The following GNL3L variants were observed in gnomAD, a reference collection of about 807,000 sequenced individuals.
GNL3L encodes the protein guanine nucleotide-binding protein-like 3-like protein.
GNL3L carries 4 observed loss-of-function variants against 42.9 expected under a neutral mutation model. The observed-to-expected ratio is 0.09, with a 90% CI of 0.05 to 0.21. The LOEUF (loss-of-function observed/expected upper bound fraction) is 0.21. Among genes scored for constraint, GNL3L ranks in the 10% least tolerant of loss-of-function variants. The pLI is 1.00. For synonymous variants in GNL3L, 159 were observed against 176.3 expected (o/e 0.90, Z 0.78); for missense variants, 412 against 481.7 (o/e 0.86, Z 1.36).
intron 16 of GNL3L, among the ~76,000 whole-genome samples, chrX:54,584,190 C>G (rs1925752605): frequency 9.4e-6 from 1 of 106,042 alleles, no homozygotes; most frequent in Non-Finnish European, 1.9e-5. Flanking sequence ...CAAGTGAGCA[C>G]ATCTGGGTAA....
chrX:54,580,226 C>T (rs1282932015), intron 16 of GNL3L, among the ~76,000 whole-genome samples: 16 of 96,029 alleles, frequency 1.7e-4, no homozygotes, highest in African/African-American at 6.2e-4. Context: ...TCAATTCCCA[C>T]CTATGAGTGA....
At position 54,564,628 on chromosome X, in the gene GNL3L, G is replaced by A. The variant is rs1385240492; in HGVS notation, c.*4026G>A. ...TCACTGTTTTGGCCAGGCTGGTCTC[G>A]AACTCCTGACCTCATGATCCTCCTG... On this transcript the variant is annotated 3_prime_UTR_variant, in exon 16 of 16. Transcript: ENST00000360845. Among the ~76,000 whole-genome samples, 5 of 106,513 alleles carry A rather than the reference G, an allele frequency of 4.7e-5. No homozygotes were observed. The highest frequency in any genetic ancestry group is 9.6e-5 in the Non-Finnish European group (5 of 51,931). 92.5% of individuals were successfully genotyped at this position (106,513 alleles called of 115,157 possible). A position where few individuals can be genotyped will look rare whatever the true frequency, so the allele number is the denominator to read the frequency against.
chrX:54,558,775 G>T, intron 15 of GNL3L, 120 bp downstream of exon 15: 1 of 497,958 alleles, frequency 2.0e-6, no homozygotes, highest in Non-Finnish European at 3.4e-6. Flanking sequence ...TCCTGCCTCA[G>T]CTTCCTGAGT....
At chrX:54,594,424 C>A (rs150224945) in intron 16 of GNL3L, among the ~76,000 whole-genome samples, 1,388 of 110,778 alleles carry the variant, frequency 0.013, 10 homozygotes, top group Non-Finnish European at 0.016. Context: ...ATTATAGCTA[C>A]TCCTACTCCT....
At chrX:54,556,222 C>T (rs138171102) in intron 14 of GNL3L, among the ~76,000 whole-genome samples, 10 of 110,991 alleles carry the variant, frequency 9.0e-5, no homozygotes, top group South Asian at 7.7e-4. Flanking sequence ...CAGTTCAGCA[C>T]GGCTGGGGAG....
chrX:54,578,095 C>T (rs1419138290), intron 16 of GNL3L, among the ~76,000 whole-genome samples: 1 of 111,556 alleles, frequency 9.0e-6, no homozygotes, highest in Non-Finnish European at 1.9e-5. Context: ...AAAGACACAC[C>T]AGATTGGTAC....
chrX:54,556,516 C>T lies in GNL3L; in HGVS notation c.1446+1824C>T, dbSNP rs771144969. Among the ~76,000 whole-genome samples the T allele has an allele frequency of 3.6e-5, 4 of 110,890 alleles. No individual in the cohort carries two copies. In the Admixed American group the frequency reaches 3.8e-4, roughly 11 times the overall value. On this transcript the variant is annotated intron_variant, in intron 14 of 15. Transcript: ENST00000360845. ...GACACAGCCAAACCCTATCAAGCCA[C>T]GTCTTGAAACCTGAGGAGTTCTCTG...
intron 1 of GNL3L, among the ~76,000 whole-genome samples, chrX:54,531,933 C>T (rs1450992190): frequency 9.1e-6 from 1 of 109,959 alleles, no homozygotes; most frequent in Non-Finnish European, 1.9e-5. Flanking sequence ...GATTTTTACC[C>T]CCTCCTCCAA....
In GNL3L at chrX:54,583,174, CTATT is replaced by C. The variant is rs1057411461; in HGVS notation, c.*45+22541_*45+22544del. Among the ~76,000 whole-genome samples the C allele has an allele frequency of 6.3e-5, 7 of 110,609 alleles. No homozygotes were observed. The East Asian group carries it at 1.4e-3, about 22-fold the overall frequency. ...GAATGTTTTAAAATTTGATGAGGTC[CTATT>C]TATTTATTTATTTTATTTATTTATT... On this transcript the variant is annotated intron_variant, in intron 16 of 16. Coordinates refer to the GNL3L transcript ENST00000674498.
chrX:54,615,704 CTT>C (rs752545647), intron 16 of GNL3L, among the ~76,000 whole-genome samples: 2 of 99,584 alleles, frequency 2.0e-5, no homozygotes. Flanking sequence ...CCAGTACTTG[CTT>C]TTTTTTTTTT....
chrX:54,602,047 T>A (rs1213470248), intron 16 of GNL3L, among the ~76,000 whole-genome samples: 1 of 111,593 alleles, frequency 9.0e-6, no homozygotes, highest in East Asian at 2.8e-4. Flanking sequence ...CTTAAAACAT[T>A]TGTGTACAGG....
chrX:54,595,515 C>CT (rs1925920867), intron 16 of GNL3L, among the ~76,000 whole-genome samples: 1 of 111,123 alleles, frequency 9.0e-6, no homozygotes, highest in Non-Finnish European at 1.9e-5. Flanking sequence ...GTGAGGTTGT[C>CT]TTTTTTAGGT....
intron 16 of GNL3L, among the ~76,000 whole-genome samples, chrX:54,593,524 TA>T (rs1368429154): frequency 9.0e-6 from 1 of 110,782 alleles, no homozygotes; most frequent in African/African-American, 3.3e-5. Context: ...TTAGACTAGC[TA>T]AAGGTTTGTC....
chrX:54,562,265 C>G lies in GNL3L; in HGVS notation c.*1663C>G. Among the ~76,000 whole-genome samples the G allele has an allele frequency of 8.9e-6, 1 of 112,082 alleles. No individual in the cohort carries two copies. The highest frequency in any genetic ancestry group is 1.9e-5 in the Non-Finnish European group (1 of 53,180). On this transcript the variant is annotated 3_prime_UTR_variant, in exon 16 of 16. Transcript: ENST00000360845. ...TTCACCATGTTGACCAGGCTGGTCT[C>G]GAACTCTTGACCTCAAGTGATCCAC...
intron 5 of GNL3L, 83 bp downstream of exon 5, chrX:54,541,472 G>A: frequency 1.4e-5 from 7 of 506,436 alleles, no homozygotes; most frequent in Non-Finnish European, 2.1e-5. Context: ...AAGGTGTGAA[G>A]TTGTTGGAGG....
chrX:54,578,971 A>C (rs756264207), intron 16 of GNL3L, among the ~76,000 whole-genome samples: 5 of 112,207 alleles, frequency 4.5e-5, no homozygotes, highest in Non-Finnish European at 9.4e-5. Context: ...TCTCGTGACT[A>C]ATGATGTTTG....
the GNL3L span, among the ~76,000 whole-genome samples, chrX:54,632,384 T>C: frequency 9.0e-6 from 1 of 111,102 alleles, no homozygotes; most frequent in African/African-American, 3.3e-5. Context: ...TTTAGATTTC[T>C]CTTCTTCCTC....
intron 16 of GNL3L, among the ~76,000 whole-genome samples, chrX:54,596,592 A>G (rs750944538): frequency 8.9e-6 from 1 of 112,169 alleles, no homozygotes; most frequent in South Asian, 3.7e-4. Flanking sequence ...TGGGGGCTCT[A>G]CAATCAGCAG....
At chrX:54,580,715 C>T (rs1332095237) in intron 16 of GNL3L, among the ~76,000 whole-genome samples, 2 of 112,091 alleles carry the variant, frequency 1.8e-5, no homozygotes, top group African/African-American at 6.5e-5. Context: ...GATGGTATCT[C>T]ATTGTGGTTT....
Sources: allele counts gnomAD v4.1 joint callset (sites outside exome capture counted in the v4.1 genomes callset), GRCh38; gene constraint gnomAD v4.1.1; transcripts MANE v1.5; gene names NCBI Gene and HGNC (gene_info 2026-07-23, HGNC 2026-07-21).